GLRX: variants seen among roughly 807,000 people sequenced by gnomAD.
GLRX encodes the protein glutaredoxin-1.
Under a neutral mutation model 11.1 loss-of-function variants are expected in GLRX, and 9 were observed. That is an observed-to-expected ratio of 0.81 (90% CI 0.49 to 1.42). The LOEUF is 1.42. Among genes scored for constraint, GLRX ranks in the 40% most tolerant of loss-of-function variants. The pLI, the probability that GLRX is intolerant of heterozygous loss-of-function variation, is 0.00. For missense variants in GLRX, 102 were observed against 126.2 expected (o/e 0.81, Z 0.92); for synonymous variants, 49 against 49.5 (o/e 0.99, Z 0.04).
At chr5:95,815,045 ACAC>A (rs1311780028) in intron 2 of GLRX, 1 of 152,578 alleles carries the variant, frequency 6.6e-6, no homozygotes, top group Admixed American at 6.5e-5. Context: ...CCATTTAAAC[ACAC>A]TCTGTTGCAG....
chr5:95,814,853 A>G (rs1254627852), intron 2 of GLRX: 5 of 157,320 alleles, frequency 3.2e-5, no homozygotes, highest in Non-Finnish European at 4.4e-5. Context: ...CTGAGCCAAA[A>G]GAGGAAAAAA....
chr5:95,822,180 A>T (rs917315483), intron 1 of GLRX: 3 of 512,748 alleles, frequency 5.9e-6, no homozygotes, highest in Non-Finnish European at 1.1e-5. Flanking sequence ...TTCCCCAGGG[A>T]CTCACCGGCA....
Position 95,816,593 on chromosome 5 carries a change from C to T in GLRX, c.241G>A (p.Gly81Ser). The change falls in exon 2 of 3, where the codon GGC becomes AGC. Residue 81 changes from glycine to serine, a missense_variant. Gly to Ser is a moderately conservative substitution (Grantham distance 56). Transcript: ENST00000237858. Reference protein sequence around the residue: ...PRVFIGKDCIGGCSDLVSLQQ... With the variant: ...PRVFIGKDCISGCSDLVSLQQ... Reference sequence around the variant, plus strand: ...AAAGAGACTAGATCACTGCATCCGCCTATACAATCTTTACCAATAAAGACT... The same window carrying T: ...AAAGAGACTAGATCACTGCATCCGCTTATACAATCTTTACCAATAAAGACT... 6.2e-7 allele frequency: 1 copy of T among 1,607,162 alleles called. No homozygotes were observed. The highest frequency in any genetic ancestry group is 8.5e-7 in the Non-Finnish European group (1 of 1,173,766).
intron 1 of GLRX, among the ~76,000 whole-genome samples, chr5:95,820,684 T>G (rs1426049266): frequency 7.8e-6 from 1 of 128,470 alleles, no homozygotes; most frequent in Non-Finnish European, 1.6e-5. Context: ...AGAGCGAAAT[T>G]CCATCTCAAA....
intron 1 of GLRX, chr5:95,819,303 G>A (rs1380296137): frequency 6.6e-6 from 1 of 152,116 alleles, no homozygotes; most frequent in African/African-American, 2.4e-5. Context: ...CAAATGCGAA[G>A]GAGAAATACT....
rs780998443 is a variant in GLRX at position 95,822,681 on chromosome 5, C to A, written c.-19G>T. 1.2e-6 allele frequency: 2 copies of A among 1,607,720 alleles called. No homozygotes were observed. Among genetic ancestry groups the A allele is most frequent in the African/African-American group, 2.7e-5 (2 of 74,780 alleles). ...GAGCCATGCCGATGGGCTGCGGTCT[C>A]CCCGGGAAGAATCCTCAGTTGCAGG... is the stretch of plus-strand genomic sequence containing the variant. On this transcript the variant is annotated 5_prime_UTR_variant, in exon 1 of 3. Transcript: ENST00000237858.
At position 95,822,644 on chromosome 5, in the gene GLRX, T is replaced by C; in HGVS notation, c.19A>G (p.Asn7Asp). 2 of 1,613,854 alleles carry C rather than the reference T, an allele frequency of 1.2e-6. No homozygotes were observed. Among genetic ancestry groups the C allele is most frequent in the Non-Finnish European group, 1.7e-6 (2 of 1,179,802 alleles). The change falls in exon 1 of 3, where the codon AAC (asparagine) becomes GAC (aspartate). Residue 7 changes from asparagine to aspartate, a missense_variant. Asn to Asp is a conservative substitution (Grantham distance 23). Transcript: ENST00000237858. Reference sequence around the variant, plus strand: ...ACCTTCCCAGGCTGGATTTTGCAGTTCACAAACTCTTGAGCCATGCCGATG... The same window carrying C: ...ACCTTCCCAGGCTGGATTTTGCAGTCCACAAACTCTTGAGCCATGCCGATG... Reference protein sequence around the residue: MAQEFVNCKIQPGKVVV... With the variant: MAQEFVDCKIQPGKVVV...
At chr5:95,820,632 AG>A (rs1747196307) in intron 1 of GLRX, among the ~76,000 whole-genome samples, 1 of 151,116 alleles carries the variant, frequency 6.6e-6, no homozygotes, top group African/African-American at 2.4e-5. Context: ...TGGAGGTTGC[AG>A]TAAGCCAAAA....
At chr5:95,817,530 C>A (rs1032459761) in intron 1 of GLRX, 1 of 152,302 alleles carries the variant, frequency 6.6e-6, no homozygotes, top group Non-Finnish European at 1.5e-5. Flanking sequence ...GATGAGGGTG[C>A]GTCACCCACG....
intron 1 of GLRX, chr5:95,819,132 A>G (rs1309581247): frequency 6.6e-6 from 1 of 151,974 alleles, no homozygotes; most frequent in Admixed American, 6.6e-5. Context: ...CTGTTTTATT[A>G]CTGTATTTGT....
At chr5:95,819,107 C>A (rs1255574363) in intron 1 of GLRX, 1 of 152,222 alleles carries the variant, frequency 6.6e-6, no homozygotes, top group Admixed American at 6.5e-5. Flanking sequence ...GTGCCACTTA[C>A]CAACTCCCAA....
At chr5:95,821,521 G>C (rs1283451813) in intron 1 of GLRX, among the ~76,000 whole-genome samples, 1 of 152,192 alleles carries the variant, frequency 6.6e-6, no homozygotes, top group African/African-American at 2.4e-5. Context: ...AGACAACCTT[G>C]TAAGTCAAAC....
At chr5:95,816,434 A>AGTAT (rs1181740280) in intron 2 of GLRX, 73 bp downstream of exon 2, 11 of 780,672 alleles carry the variant, frequency 1.4e-5, no homozygotes, top group Non-Finnish European at 2.3e-5. Flanking sequence ...GCTGTCATAC[A>AGTAT]GTATAACAAA....
At chr5:95,822,174 C>T in intron 1 of GLRX, 1 of 506,338 alleles carries the variant, frequency 2.0e-6, no homozygotes. Context: ...AGATAATTCC[C>T]CAGGGACTCA....
intron 2 of GLRX, 31 bp downstream of exon 2, chr5:95,816,476 T>A: frequency 9.9e-7 from 1 of 1,013,762 alleles, no homozygotes; most frequent in Non-Finnish European, 1.6e-6. Context: ...GTCTCCCATG[T>A]TCCTGGCCCA....
chr5:95,822,188 G>C (rs1747264903), intron 1 of GLRX: 1 of 520,882 alleles, frequency 1.9e-6, no homozygotes, highest in Non-Finnish European at 3.5e-6. Context: ...GGACTCACCG[G>C]CAAGCTGCTG....
rs1746891655 is a variant in GLRX, at chr5:95,814,023, C to T, written c.*373G>A. ...TTAGAAAAGAAATTAAGTGTTGTCACTAGAGATTGAAGGAAATTAACAATC... is the reference window on the plus strand; with the variant it reads ...TTAGAAAAGAAATTAAGTGTTGTCATTAGAGATTGAAGGAAATTAACAATC... On this transcript the variant is annotated 3_prime_UTR_variant, in exon 3 of 3. Coordinates refer to ENST00000237858, the MANE Select transcript of GLRX (RefSeq NM_001118890.2). The T allele has an allele frequency of 2.0e-5, 3 of 152,158 alleles. 1 individual carries two copies. Among genetic ancestry groups the T allele is most frequent in the South Asian group, 4.1e-4 (2 of 4,830 alleles). The allele number at this position is 152,158 out of a possible 1,614,324, so 9.4% of individuals were successfully genotyped here.
At chr5:95,816,402 C>T (rs1384905690) in intron 2 of GLRX, 105 bp downstream of exon 2, 2 of 646,440 alleles carry the variant, frequency 3.1e-6, no homozygotes, top group African/African-American at 3.6e-5. Flanking sequence ...CACCCCAAAT[C>T]ATTTCTTCCC....
chr5:95,815,708 A>T lies in GLRX; in HGVS notation c.*6+799T>A, dbSNP rs558796682. On this transcript the variant is annotated intron_variant, in intron 2 of 2. Coordinates refer to ENST00000237858, the MANE Select transcript of GLRX (RefSeq NM_001118890.2). The stretch of plus-strand genomic sequence containing the variant: ...ATCACGGTTCCCTTCTGAAATGTTC[A>T]TCGCCCTGTGGTTTTCCACAGAGCC... 2.6e-5 allele frequency among the ~76,000 whole-genome samples: 4 copies of T among 152,336 alleles called. No individual in the cohort carries two copies. In the East Asian group the frequency reaches 7.7e-4, roughly 29 times the overall value.
Sources: allele counts gnomAD v4.1 joint callset (sites outside exome capture counted in the v4.1 genomes callset), GRCh38; gene constraint gnomAD v4.1.1; transcripts MANE v1.5; gene names NCBI Gene and HGNC (gene_info 2026-07-23, HGNC 2026-07-21).